The following GRIK2 variants were observed in gnomAD, a reference collection of about 807,000 sequenced individuals.
GRIK2 encodes the protein glutamate ionotropic receptor kainate type subunit 2.
In GRIK2, 32 loss-of-function variants were observed where a neutral mutation model predicts 100.3. The ratio of observed to expected loss-of-function variants is 0.32; its 90% confidence interval spans 0.24 to 0.43. The LOEUF is 0.43. Ranked by LOEUF, GRIK2 falls within the 20% of genes least tolerant of loss-of-function variation. The probability of loss-of-function intolerance (pLI) is 1.00; values close to 1 mark genes in which losing one functional copy is unlikely to be tolerated. For missense variants in GRIK2, 843 were observed against 1,114.9 expected (o/e 0.76, Z 3.47); for synonymous variants, 417 against 389.4 (o/e 1.07, Z -0.83).
rs967043404 is a variant in GRIK2 at position 101,989,669 on chromosome 6, A to G, written c.2086-45672A>G. Among the ~76,000 whole-genome samples, 15 of 151,726 alleles carry G rather than the reference A, an allele frequency of 9.9e-5. No homozygotes were observed. In the Admixed American group the frequency reaches 9.9e-4, roughly 10 times the overall value. On this transcript the variant is annotated intron_variant, in intron 14 of 16. Coordinates refer to ENST00000369134, the MANE Select transcript of GRIK2 (RefSeq NM_021956.5). ...AGACCTTTATTTATTACTATGTTAC[A>G]TTGTAAAAATGCTTCACCTGAGCCT...
chr6:101,506,449 A>C (rs1392074839), intron 2 of GRIK2, among the ~76,000 whole-genome samples: 1 of 152,150 alleles, frequency 6.6e-6, no homozygotes, highest in Admixed American at 6.5e-5. Flanking sequence ...GGTTTTTAAA[A>C]TGGTAAAAGT....
chr6:101,699,565 A>G (rs1056012680), intron 7 of GRIK2, among the ~76,000 whole-genome samples: 1 of 152,076 alleles, frequency 6.6e-6, no homozygotes, highest in African/African-American at 2.4e-5. Context: ...TCAGTCCCTC[A>G]AAGGTACCCT....
intron 14 of GRIK2, among the ~76,000 whole-genome samples, chr6:101,968,503 T>C (rs1035936761): frequency 5.9e-5 from 9 of 152,036 alleles, no homozygotes; most frequent in African/African-American, 2.2e-4. Context: ...CAAAGGAGCA[T>C]ATCATTATGG....
At chr6:101,781,775 C>T (rs1779112013) in intron 7 of GRIK2, among the ~76,000 whole-genome samples, 2 of 151,636 alleles carry the variant, frequency 1.3e-5, no homozygotes, top group South Asian at 4.2e-4. Flanking sequence ...TGAAATTGTT[C>T]CTAGTTAATA....
At chr6:101,739,879 G>A (rs1380431980) in intron 7 of GRIK2, among the ~76,000 whole-genome samples, 1 of 152,030 alleles carries the variant, frequency 6.6e-6, no homozygotes, top group Non-Finnish European at 1.5e-5. Flanking sequence ...AAAAGTATAA[G>A]GAGGCTGTTA....
intron 12 of GRIK2, among the ~76,000 whole-genome samples, chr6:101,914,620 G>T (rs1464426086): frequency 6.6e-6 from 1 of 151,120 alleles, no homozygotes; most frequent in East Asian, 1.9e-4. Flanking sequence ...ACAATGTGTT[G>T]CCCCCCCACC....
intron 2 of GRIK2, among the ~76,000 whole-genome samples, chr6:101,500,354 G>A (rs977548774): frequency 3.3e-5 from 5 of 152,090 alleles, no homozygotes; most frequent in Non-Finnish European, 5.9e-5. Context: ...TGGGATTTAT[G>A]TGAATAAGAT....
intron 2 of GRIK2, among the ~76,000 whole-genome samples, chr6:101,496,229 G>C (rs910374459): frequency 4.6e-5 from 7 of 152,088 alleles, no homozygotes; most frequent in Admixed American, 4.6e-4. Context: ...TTACAGGCGT[G>C]AGCCACCATG....
chr6:101,681,577 T>C (rs1468658254), intron 5 of GRIK2, among the ~76,000 whole-genome samples: 1 of 152,034 alleles, frequency 6.6e-6, no homozygotes, highest in African/African-American at 2.4e-5. Context: ...TTATACTCTT[T>C]TGGTTATTTT....
At chr6:101,735,714 G>C (rs938583793) in intron 7 of GRIK2, among the ~76,000 whole-genome samples, 1 of 152,150 alleles carries the variant, frequency 6.6e-6, no homozygotes, top group Non-Finnish European at 1.5e-5. Context: ...TATAAGATGA[G>C]ATTTGAGTGA....
intron 2 of GRIK2, among the ~76,000 whole-genome samples, chr6:101,538,282 A>C (rs1046348433): frequency 4.0e-5 from 6 of 151,688 alleles, no homozygotes; most frequent in Non-Finnish European, 8.9e-5. Flanking sequence ...TTTGACAGTA[A>C]AGTGTAGTTC....
At chr6:101,776,731 T>A (rs1778771182) in intron 7 of GRIK2, among the ~76,000 whole-genome samples, 1 of 152,232 alleles carries the variant, frequency 6.6e-6, no homozygotes, top group South Asian at 2.1e-4. Context: ...ACTCAATTTT[T>A]TATTTTTTGG....
At chr6:101,872,105 G>C (rs1002703042) in intron 11 of GRIK2, among the ~76,000 whole-genome samples, 2 of 151,784 alleles carry the variant, frequency 1.3e-5, no homozygotes, top group Non-Finnish European at 2.9e-5. Flanking sequence ...ATCTCAATGT[G>C]GTTTTCATAA....
Position 101,912,629 on chromosome 6 carries a change from G to C in GRIK2, c.1749-11972G>C, listed in dbSNP as rs989083131. Among the ~76,000 whole-genome samples the C allele has an allele frequency of 7.9e-5, 12 of 151,536 alleles. 1 individual carries two copies. Among genetic ancestry groups the C allele is most frequent in the African/African-American group, 2.9e-4 (12 of 41,370 alleles). The stretch of plus-strand genomic sequence containing the variant: ...TGCCTACTCCTCAGTTTCATGAAGA[G>C]ATCTGTTGTTTCTTAGAATTTCCAC... On this transcript the variant is annotated intron_variant, in intron 12 of 16. Transcript: ENST00000369134.
intron 14 of GRIK2, among the ~76,000 whole-genome samples, chr6:101,945,910 G>GT (rs66532199): frequency 0.051 from 6,642 of 131,336 alleles, 185 homozygotes; most frequent in African/African-American, 0.074. Context: ...TCTATCTACT[G>GT]TTTTTTTTTT....
At chr6:101,643,436 T>C (rs925222998) in intron 4 of GRIK2, among the ~76,000 whole-genome samples, 1 of 151,680 alleles carries the variant, frequency 6.6e-6, no homozygotes, top group African/African-American at 2.4e-5. Context: ...CTTTTGTATG[T>C]GGATATCCAG....
At chr6:101,424,794 C>T (rs868287035) in intron 2 of GRIK2, among the ~76,000 whole-genome samples, 4 of 150,874 alleles carry the variant, frequency 2.7e-5, no homozygotes, top group Non-Finnish European at 5.9e-5. Flanking sequence ...TCAATTCCCA[C>T]CTATGAGTGA....
chr6:102,024,382 G>A (rs1177741422), intron 14 of GRIK2, among the ~76,000 whole-genome samples: 1 of 151,144 alleles, frequency 6.6e-6, no homozygotes, highest in African/African-American at 2.4e-5. Context: ...TAAAAATAAA[G>A]CAAATAAAAA....
At chr6:101,980,005 G>C (rs1219069620) in intron 14 of GRIK2, among the ~76,000 whole-genome samples, 1 of 151,934 alleles carries the variant, frequency 6.6e-6, no homozygotes, top group East Asian at 1.9e-4. Context: ...TGGAGGCTTA[G>C]ATTTGCTTCA....
Sources: allele counts gnomAD v4.1 joint callset (sites outside exome capture counted in the v4.1 genomes callset), GRCh38; gene constraint gnomAD v4.1.1; transcripts MANE v1.5; gene names NCBI Gene and HGNC (gene_info 2026-07-23, HGNC 2026-07-21).